The following TDRD12 variants were observed in gnomAD, a reference collection of about 807,000 sequenced individuals.
The protein encoded by TDRD12 is tudor domain containing 12.
Under a neutral mutation model 133.5 loss-of-function variants are expected in TDRD12, and 158 were observed. That is an observed-to-expected ratio of 1.18 (90% confidence interval 1.04 to 1.35). TDRD12 has a LOEUF of 1.35. Ranked by LOEUF, TDRD12 falls within the 40% of genes most tolerant of loss-of-function variation. The pLI is 0.00. For missense variants in TDRD12, 1,443 were observed against 1,321.3 expected, an observed-to-expected ratio of 1.09 and a Z score of -1.43; for synonymous variants, 460 against 477.9, an observed-to-expected ratio of 0.96 and a Z score of 0.49.
At chr19:32,747,044 G>C in intron 4 of TDRD12, among the ~76,000 whole-genome samples, 1 of 150,144 alleles carries the variant, frequency 6.7e-6, no homozygotes, top group Non-Finnish European at 1.5e-5. Flanking sequence ...GGGAGAGACT[G>C]GCTGAGGTGG....
rs1967601369 is a variant in TDRD12 at position 32,826,672 on chromosome 19, C to G, written c.1049+74C>G. On this transcript the variant is annotated intron_variant, in intron 9 of 9. Coordinates refer to the TDRD12 transcript ENST00000637289. ...ATTCACGCGCTCACTGTCAGCTGTT[C>G]TCTTGAACAGAACCCCAACGTGGCT... The G allele has an allele frequency of 1.6e-6, 2 of 1,219,894 alleles. No homozygotes were observed. The highest frequency in any genetic ancestry group is 3.1e-4 in the Middle Eastern group (1 of 3,192). The allele number at this position is 1,219,894 out of a possible 1,614,324, so 75.6% of individuals were successfully genotyped here.
At chr19:32,747,451 C>G (rs1969686121) in intron 4 of TDRD12, among the ~76,000 whole-genome samples, 1 of 152,082 alleles carries the variant, frequency 6.6e-6, no homozygotes, top group Non-Finnish European at 1.5e-5. Flanking sequence ...TGTACATTAT[C>G]TCATTTGATC....
intron 25 of TDRD12, among the ~76,000 whole-genome samples, chr19:32,814,290 G>A (rs937203644): frequency 3.3e-5 from 5 of 152,104 alleles, no homozygotes; most frequent in African/African-American, 7.2e-5. Flanking sequence ...GTCTCTCCAC[G>A]GCTGCTGGCA....
intron 8 of TDRD12, among the ~76,000 whole-genome samples, chr19:32,764,339 T>C (rs889876572): frequency 1.3e-5 from 2 of 152,108 alleles, no homozygotes; most frequent in Non-Finnish European, 2.9e-5. Flanking sequence ...CTAGATCCCC[T>C]GACTTCGTGA....
intron 21 of TDRD12, among the ~76,000 whole-genome samples, chr19:32,807,167 G>A (rs1330613919): frequency 6.7e-6 from 1 of 150,016 alleles, no homozygotes; most frequent in Admixed American, 6.7e-5. Flanking sequence ...TAGGGTGGCT[G>A]AGCAGGGAGG....
intron 8 of TDRD12, among the ~76,000 whole-genome samples, chr19:32,757,375 G>A (rs1970026846): frequency 6.6e-6 from 1 of 152,140 alleles, no homozygotes; most frequent in Admixed American, 6.5e-5. Context: ...ATTTATTCCA[G>A]CCTAGCCATC....
In TDRD12 at chr19:32,736,844, C is replaced by T. The variant is rs576692896; in HGVS notation, c.184-2012C>T. Among the ~76,000 whole-genome samples, 4 of 152,312 alleles carry T rather than the reference C, an allele frequency of 2.6e-5. No homozygotes were observed. The South Asian group carries it at 6.2e-4, about 24-fold the overall frequency. ...CAGTCAGGATGCCAAGGGTTGTCACCTCTGCAGGGTGGTTCTCCTTAAAAG... is the reference window on the plus strand; with the variant it reads ...CAGTCAGGATGCCAAGGGTTGTCACTTCTGCAGGGTGGTTCTCCTTAAAAG... On this transcript the variant is annotated intron_variant, in intron 2 of 27. Coordinates refer to ENST00000444215, the Ensembl canonical transcript of TDRD12.
chr19:32,773,671 C>T lies in TDRD12; in HGVS notation c.1040+139C>T, dbSNP rs1599566466. The T allele has an allele frequency of 1.4e-5, 9 of 622,728 alleles. No homozygotes were observed. In the East Asian group the frequency reaches 2.6e-4, roughly 18 times the overall value. The allele number at this position is 622,728 out of a possible 1,614,324, so 38.6% of individuals were successfully genotyped here. The stretch of plus-strand genomic sequence containing the variant: ...TATGATCGTACCACTGTACTCCAGC[C>T]TGGGTGACAGAGTGAGACTCTTATC... On this transcript the variant is annotated intron_variant, in intron 10 of 27. Transcript: ENST00000444215.
intron 3 of TDRD12, among the ~76,000 whole-genome samples, chr19:32,742,163 T>C (rs560888092): frequency 1.3e-5 from 2 of 151,720 alleles, no homozygotes; most frequent in East Asian, 3.9e-4. Context: ...ATTAGACTTT[T>C]TTTTTTTTTT....
chr19:32,798,322 A>G (rs1484782805), exon 16 of TDRD12: 7 of 1,533,758 alleles, frequency 4.6e-6, no homozygotes, highest in South Asian at 1.2e-5. Context: ...TGTGATTGTT[A>G]CGACCCCATA....
intron 4 of TDRD12, among the ~76,000 whole-genome samples, chr19:32,745,197 T>A (rs1312235688): frequency 6.6e-6 from 1 of 152,202 alleles, no homozygotes; most frequent in Non-Finnish European, 1.5e-5. Context: ...GGGGCCCCTG[T>A]GTGTGCAACC....
At chr19:32,779,965 A>T (rs1970713202) in intron 11 of TDRD12, among the ~76,000 whole-genome samples, 1 of 151,726 alleles carries the variant, frequency 6.6e-6, no homozygotes, top group Non-Finnish European at 1.5e-5. Flanking sequence ...GCCTACTGTG[A>T]TATTCATTCT....
rs575164960 is a variant in TDRD12 at position 32,810,958 on chromosome 19, CTA to C, written c.2838-250_2838-249del. Reference sequence around the variant, plus strand: ...AAAAAAACTTTGAGACTTTAATTTGCTATGTTAATTTTTATTATGTTGTTAGA... The same window carrying C: ...AAAAAAACTTTGAGACTTTAATTTGCTGTTAATTTTTATTATGTTGTTAGA... On this transcript the variant is annotated intron_variant, in intron 23 of 27. Transcript: ENST00000444215. Among the ~76,000 whole-genome samples the C allele has an allele frequency of 6.3e-4, 96 of 152,112 alleles. 1 individual carries two copies. The highest frequency in any genetic ancestry group is 2.3e-3 in the African/African-American group (95 of 41,496).
chr19:32,735,824 G>T (rs1007989797), intron 2 of TDRD12, among the ~76,000 whole-genome samples: 3 of 152,118 alleles, frequency 2.0e-5, no homozygotes, highest in Admixed American at 6.5e-5. Context: ...ACAAAAATTA[G>T]CCAGGTGTGG....
At chr19:32,794,562 C>A in intron 13 of TDRD12, 66 bp from the exon 14 acceptor site, 1 of 667,766 alleles carries the variant, frequency 1.5e-6, no homozygotes, top group African/African-American at 1.8e-5. Context: ...TGAAATGAGC[C>A]ATGCAATGGA....
rs1599809861 is a variant in TDRD12 at position 32,719,915 on chromosome 19, G to A, written c.-158G>A. 4.6e-6 allele frequency: 4 copies of A among 866,254 alleles called. No individual in the cohort carries two copies. In the East Asian group the frequency reaches 1.1e-4, roughly 23 times the overall value. 53.7% of individuals were successfully genotyped at this position (866,254 alleles called of 1,614,324 possible). A position where few individuals can be genotyped will look rare whatever the true frequency, so the allele number is the denominator to read the frequency against. ...CCGCGAGGGCTCCTGGGGACGAGGA[G>A]TGTGGGGCACCTGCCGCGGGGGGCC... On this transcript the variant is annotated 5_prime_UTR_variant, in exon 1 of 28. The change creates a new upstream start codon in the 5' untranslated region. Transcript: ENST00000444215.
intron 8 of TDRD12, among the ~76,000 whole-genome samples, chr19:32,764,718 T>A (rs897243570): frequency 6.6e-6 from 1 of 152,224 alleles, no homozygotes; most frequent in African/African-American, 2.4e-5. Flanking sequence ...TAGCCAACTA[T>A]AATTGTCTTG....
At chr19:32,816,388 C>T (rs1204195366) in intron 26 of TDRD12, among the ~76,000 whole-genome samples, 2 of 152,144 alleles carry the variant, frequency 1.3e-5, no homozygotes, top group Non-Finnish European at 2.9e-5. Flanking sequence ...CCCAGTTTTG[C>T]ACTTTGTTTG....
intron 25 of TDRD12, among the ~76,000 whole-genome samples, chr19:32,814,298 G>A (rs1055939172): frequency 6.6e-6 from 1 of 152,136 alleles, no homozygotes; most frequent in Non-Finnish European, 1.5e-5. Flanking sequence ...ACGGCTGCTG[G>A]CACCACCCTC....
Sources: allele counts gnomAD v4.1 joint callset (sites outside exome capture counted in the v4.1 genomes callset), GRCh38; gene constraint gnomAD v4.1.1; transcripts MANE v1.5; gene names NCBI Gene and HGNC (gene_info 2026-07-23, HGNC 2026-07-21).